The following RUNX1 variants were observed in gnomAD, a reference collection of about 807,000 sequenced individuals.
The protein encoded by RUNX1 is RUNX family transcription factor 1, also known as runt-related transcription factor 1.
RUNX1 carries 19 observed loss-of-function variants against 42.8 expected under a neutral mutation model. That is an observed-to-expected ratio of 0.44 (90% CI 0.31 to 0.65). The LOEUF (loss-of-function observed/expected upper bound fraction) is 0.65. RUNX1 is among the 30% of genes least tolerant of loss of function. The pLI, the probability that RUNX1 is intolerant of heterozygous loss-of-function variation, is 0.07. For synonymous variants in RUNX1, 271 were observed against 289.4 expected (o/e 0.94, Z 0.64); for missense variants, 528 against 672.0 (o/e 0.79, Z 2.37).
intron 7 of RUNX1, among the ~76,000 whole-genome samples, chr21:34,817,555 C>G (rs974633372): frequency 6.6e-6 from 1 of 152,114 alleles, no homozygotes; most frequent in Non-Finnish European, 1.5e-5. Flanking sequence ...AAATGCCTCC[C>G]GGCTCAGGTA....
chr21:34,853,803 CTTCCT>C (rs1474202254), intron 6 of RUNX1, among the ~76,000 whole-genome samples: 1 of 139,122 alleles, frequency 7.2e-6, no homozygotes, highest in Non-Finnish European at 1.5e-5. Context: ...CCTTCCTTCC[CTTCCT>C]TCCTTCATTT....
chr21:35,013,583 G>C (rs556899501), intron 2 of RUNX1, among the ~76,000 whole-genome samples: 1 of 152,338 alleles, frequency 6.6e-6, no homozygotes, highest in South Asian at 2.1e-4. Context: ...ATAATGTCCA[G>C]TGATGATAAG....
intron 6 of RUNX1, among the ~76,000 whole-genome samples, chr21:34,842,780 C>G (rs2057259234): frequency 6.6e-6 from 1 of 151,938 alleles, no homozygotes. Flanking sequence ...TAAAAACATA[C>G]AGATGCAGCT....
intron 2 of RUNX1, among the ~76,000 whole-genome samples, chr21:34,978,763 G>T (rs143521639): frequency 5.2e-4 from 79 of 152,216 alleles, no homozygotes; most frequent in African/African-American, 1.8e-3. Flanking sequence ...GTTTCTGCCA[G>T]TTCTACTGAT....
intron 2 of RUNX1, among the ~76,000 whole-genome samples, chr21:34,955,588 G>C (rs781576803): frequency 6.6e-6 from 1 of 152,166 alleles, no homozygotes; most frequent in Non-Finnish European, 1.5e-5. Flanking sequence ...TTGATGTGTT[G>C]AGTATTCAGC....
intron 2 of RUNX1, among the ~76,000 whole-genome samples, chr21:34,997,359 TGCTGC>T (rs2059004179): frequency 6.6e-6 from 1 of 152,190 alleles, no homozygotes; most frequent in South Asian, 2.1e-4. Flanking sequence ...GGCCTCTTAT[TGCTGC>T]AGTGAGATAG....
At chr21:34,859,439 TG>T (rs2146233621) in intron 6 of RUNX1, 34 bp downstream of exon 6, 1 of 1,427,534 alleles carries the variant, frequency 7.0e-7, no homozygotes, top group Non-Finnish European at 9.9e-7. Context: ...TGTACCAGCC[TG>T]GAGGGTGTAC....
chr21:34,820,501 T>C (rs887935242), intron 7 of RUNX1, among the ~76,000 whole-genome samples: 86 of 151,756 alleles, frequency 5.7e-4, no homozygotes, highest in Admixed American at 2.1e-3. Flanking sequence ...AATACAAATA[T>C]ATATATTAGC....
intron 2 of RUNX1, among the ~76,000 whole-genome samples, chr21:34,918,158 C>T (rs2146544420): frequency 7.0e-6 from 1 of 143,406 alleles, no homozygotes; most frequent in Middle Eastern, 3.8e-3. Context: ...AAGTCCTTGG[C>T]TTTTACCCAA....
chr21:34,888,285 G>A, intron 3 of RUNX1: 1 of 1,067,454 alleles, frequency 9.4e-7, no homozygotes, highest in Non-Finnish European at 1.1e-6. Flanking sequence ...GCTCCGCGGC[G>A]CAGATCGAAA....
chr21:34,857,056 T>C (rs2057503961), intron 6 of RUNX1, among the ~76,000 whole-genome samples: 1 of 152,200 alleles, frequency 6.6e-6, no homozygotes, highest in Non-Finnish European at 1.5e-5. Context: ...CCTGGGAGTC[T>C]GCATGCACTT....
At chr21:34,962,701 C>G (rs2058689992) in intron 2 of RUNX1, among the ~76,000 whole-genome samples, 1 of 152,206 alleles carries the variant, frequency 6.6e-6, no homozygotes, top group East Asian at 1.9e-4. Flanking sequence ...GTTTCCACTC[C>G]CTCGTTCACA....
intron 2 of RUNX1, among the ~76,000 whole-genome samples, chr21:34,985,893 G>C (rs1433218613): frequency 1.9e-5 from 2 of 104,652 alleles, no homozygotes; most frequent in Admixed American, 1.2e-4. Context: ...TTTTTTTTGA[G>C]ACAGGGTCTC....
intron 7 of RUNX1, chr21:34,821,581 T>A: frequency 6.5e-7 from 1 of 1,545,798 alleles, no homozygotes; most frequent in Non-Finnish European, 8.7e-7. Flanking sequence ...CTGTCATCTT[T>A]CTTCTGAGTC....
chr21:34,948,101 G>GGC (rs972468158), intron 2 of RUNX1, among the ~76,000 whole-genome samples: 5 of 119,630 alleles, frequency 4.2e-5, no homozygotes, highest in African/African-American at 2.9e-4. Flanking sequence ...TTTTTTTTTT[G>GGC]GGGGGGGGTT....
chr21:35,018,222 C>T (rs547826135), intron 2 of RUNX1, among the ~76,000 whole-genome samples: 5 of 152,252 alleles, frequency 3.3e-5, no homozygotes, highest in African/African-American at 1.2e-4. Flanking sequence ...TTTAGGGTTT[C>T]ATCATGTTGG....
At chr21:34,914,570 A>C (rs1020020086) in intron 2 of RUNX1, among the ~76,000 whole-genome samples, 1 of 152,022 alleles carries the variant, frequency 6.6e-6, no homozygotes, top group Non-Finnish European at 1.5e-5. Flanking sequence ...TCTCCCCTTC[A>C]TATGGTCAGT....
At chr21:35,042,834 G>A (rs894457388) in intron 2 of RUNX1, among the ~76,000 whole-genome samples, 5 of 152,146 alleles carry the variant, frequency 3.3e-5, no homozygotes, top group Non-Finnish European at 7.3e-5. Flanking sequence ...AATTTTCATG[G>A]GTAAACCTGA....
chr21:34,875,315 G>A (rs1356042387), intron 5 of RUNX1, among the ~76,000 whole-genome samples: 3 of 152,176 alleles, frequency 2.0e-5, no homozygotes, highest in African/African-American at 4.8e-5. Context: ...CTCTAGAGAT[G>A]AATTCTACAT....
Sources: gnomAD v4.1 joint callset for allele counts (sites outside exome capture counted in the v4.1 genomes callset) on GRCh38, gnomAD v4.1.1 for gene constraint, MANE v1.5 for transcripts, NCBI Gene and HGNC (gene_info 2026-07-23, HGNC 2026-07-21) for gene names.